Variants in SCNN1B observed in about 807,000 individuals in gnomAD.
SCNN1B encodes epithelial sodium channel subunit beta.
SCNN1B carries 46 observed loss-of-function variants against 65.3 expected under a neutral mutation model. The ratio of observed to expected loss-of-function variants is 0.70; its 90% CI spans 0.56 to 0.90. SCNN1B has a LOEUF of 0.90. Among genes scored for constraint, SCNN1B ranks in the 40% least tolerant of loss-of-function variants. The pLI is 0.00. For missense variants in SCNN1B, 751 were observed against 830.5 expected, an observed-to-expected ratio of 0.90 and a Z score of 1.18; for synonymous variants, 349 against 330.6, an observed-to-expected ratio of 1.06 and a Z score of -0.60.
intron 1 of SCNN1B, among the ~76,000 whole-genome samples, chr16:23,321,388 G>T (rs112794156): frequency 6.6e-6 from 1 of 152,008 alleles, no homozygotes; most frequent in Non-Finnish European, 1.5e-5. Flanking sequence ...TCTGGCTGGG[G>T]CTCCCTGTTC....
intron 4 of SCNN1B, among the ~76,000 whole-genome samples, chr16:23,365,573 A>C (rs1221273227): frequency 1.2e-5 from 1 of 85,750 alleles, no homozygotes; most frequent in Non-Finnish European, 2.0e-5. Flanking sequence ...GAAAGAAAGA[A>C]AGAAAGAAAG....
chr16:23,361,832 C>T lies in SCNN1B; in HGVS notation c.777-6024C>T, dbSNP rs375134349. Reference sequence around the variant, plus strand: ...TTTTGTTTTTTTTGAGATGGGATCTCACTCTGTTGTCCATACTGGAGTGCA... The same window carrying T: ...TTTTGTTTTTTTTGAGATGGGATCTTACTCTGTTGTCCATACTGGAGTGCA... On this transcript the variant is annotated intron_variant, in intron 4 of 12. Transcript: ENST00000343070. Among the ~76,000 whole-genome samples, 5 of 152,098 alleles carry T rather than the reference C, an allele frequency of 3.3e-5. No individual in the cohort carries two copies. The South Asian group carries it at 1.0e-3, about 32-fold the overall frequency.
intron 1 of SCNN1B, among the ~76,000 whole-genome samples, chr16:23,320,210 G>T (rs1596832511): frequency 6.6e-6 from 1 of 152,172 alleles, no homozygotes; most frequent in African/African-American, 2.4e-5. Context: ...GTGGCGGGCT[G>T]GTGGTTCTCA....
intron 1 of SCNN1B, among the ~76,000 whole-genome samples, chr16:23,321,441 G>C (rs931822261): frequency 1.3e-5 from 2 of 152,086 alleles, no homozygotes; most frequent in African/African-American, 4.8e-5. Context: ...AGCAGGGCTG[G>C]TGTCTGCTGT....
At chr16:23,284,417 A>G (rs1445216710) in intron 2 of SCNN1B, among the ~76,000 whole-genome samples, 1 of 152,150 alleles carries the variant, frequency 6.6e-6, no homozygotes, top group African/African-American at 2.4e-5. Context: ...AAAAATAAAT[A>G]AATAAAAATA....
At chr16:23,371,661 C>T (rs902756767) in intron 6 of SCNN1B, 115 bp from the exon 7 acceptor site, 3 of 1,056,890 alleles carry the variant, frequency 2.8e-6, no homozygotes, top group Admixed American at 3.5e-5. Context: ...GGCGCCCCCC[C>T]TGGCACCTGC....
chr16:23,339,868 C>T (rs80158601), intron 1 of SCNN1B, among the ~76,000 whole-genome samples: 177 of 152,094 alleles, frequency 1.2e-3, no homozygotes, highest in African/African-American at 4.1e-3. Context: ...CGCCTGGCAA[C>T]TTTACAAGAA....
In SCNN1B at chr16:23,377,208, G is replaced by A; in HGVS notation, c.1314G>A (p.Glu438=). Residue 438 remains glutamate, a synonymous_variant, in exon 9 of 13, where the codon GAG becomes GAA. Coordinates refer to ENST00000343070, the MANE Select transcript of SCNN1B (RefSeq NM_000336.3). Reference sequence around the variant, plus strand: ...TACAGATGAGCGTGGCGCAGAGAGAGACCTGCATTGGCATGTGCAAGGAGT... The same window carrying A: ...TACAGATGAGCGTGGCGCAGAGAGAAACCTGCATTGGCATGTGCAAGGAGT... The part of the protein sequence containing the change: ...SDLQMSVAQR[E]TCIGMCKESC... 2 of 1,614,246 alleles carry A rather than the reference G, an allele frequency of 1.2e-6. No individual in the cohort carries two copies. Among genetic ancestry groups the A allele is most frequent in the South Asian group, 2.2e-5 (2 of 91,086 alleles).
At chr16:23,351,312 C>T (rs1265148643) in intron 2 of SCNN1B, among the ~76,000 whole-genome samples, 1 of 152,042 alleles carries the variant, frequency 6.6e-6, no homozygotes, top group Non-Finnish European at 1.5e-5. Context: ...TATTTTTATC[C>T]CCCTGTTTTG....
chr16:23,301,702 G>C (rs542085156), upstream of SCNN1B, among the ~76,000 whole-genome samples: 25 of 152,320 alleles, frequency 1.6e-4, no homozygotes, highest in East Asian at 4.4e-3. Flanking sequence ...ACTCCAGAGG[G>C]GGCCAGAGTT....
chr16:23,370,080 G>A (rs1261917587), intron 5 of SCNN1B, among the ~76,000 whole-genome samples: 3 of 152,128 alleles, frequency 2.0e-5, no homozygotes, highest in East Asian at 1.9e-4. Flanking sequence ...ACAGGCATGC[G>A]CCACAATGCC....
chr16:23,335,397 C>T (rs1326144561), intron 1 of SCNN1B, among the ~76,000 whole-genome samples: 1 of 152,150 alleles, frequency 6.6e-6, no homozygotes, highest in Non-Finnish European at 1.5e-5. Flanking sequence ...AAAGATCCTC[C>T]TGCCTCAGCC....
In SCNN1B at chr16:23,348,792, T is replaced by A; in HGVS notation, c.193T>A (p.Trp65Arg). The change falls in exon 2 of 13, where the codon TGG (tryptophan) becomes AGG (arginine). Residue 65 changes from tryptophan (W) to arginine (R), a missense_variant. Coordinates refer to ENST00000343070, the MANE Select transcript of SCNN1B (RefSeq NM_000336.3). This position sits in a 1 kb window ranked among gnomAD's most constrained non-coding sequence, Gnocchi z 4.5. Reference protein sequence around the residue: ...LTLLFAALVCWQWGIFIRTYL... With the variant: ...LTLLFAALVCRQWGIFIRTYL... ...CCTGCTCTTCGCCGCCCTCGTCTGC[T>A]GGCAGTGGGGCATCTTCATCAGGAC... 1 of 1,614,182 alleles carries A rather than the reference T, an allele frequency of 6.2e-7. No homozygotes were observed. The highest frequency in any genetic ancestry group is 8.5e-7 in the Non-Finnish European group (1 of 1,180,036).
intron 4 of SCNN1B, chr16:23,359,222 C>G (rs964847414): frequency 6.6e-6 from 1 of 152,178 alleles, no homozygotes; most frequent in African/African-American, 2.4e-5. Context: ...GCCCAGCCTT[C>G]CCCATCATTT....
intron 7 of SCNN1B, chr16:23,372,182 C>T (rs145740645): frequency 1.1e-5 from 5 of 472,712 alleles, no homozygotes; most frequent in African/African-American, 7.8e-5. Flanking sequence ...CAGCTAACAC[C>T]ATCAAGCTTC....
intron 4 of SCNN1B, among the ~76,000 whole-genome samples, chr16:23,363,637 A>AC (rs1342665859): frequency 1.3e-5 from 2 of 152,010 alleles, no homozygotes; most frequent in Non-Finnish European, 2.9e-5. Context: ...ACATAGCAAG[A>AC]CCCCATCTCC....
chr16:23,296,035 G>A (rs550757723), intron 2 of SCNN1B, among the ~76,000 whole-genome samples: 54 of 152,302 alleles, frequency 3.5e-4, no homozygotes, highest in African/African-American at 1.1e-3. Flanking sequence ...GGATTTCTGG[G>A]AACAATGTGA....
intron 1 of SCNN1B, among the ~76,000 whole-genome samples, chr16:23,325,655 C>T (rs557157719): frequency 1.2e-4 from 19 of 152,002 alleles, no homozygotes; most frequent in Admixed American, 5.3e-4. Context: ...AATGCGCATC[C>T]GATCTTAACT....
intron 2 of SCNN1B, among the ~76,000 whole-genome samples, chr16:23,293,042 G>C (rs188310829): frequency 6.9e-6 from 1 of 145,764 alleles, no homozygotes; most frequent in East Asian, 2.1e-4. Flanking sequence ...TTGAACCCGG[G>C]AGGTGAAGTT....
Sources: gnomAD v4.1 joint callset for allele counts (sites outside exome capture counted in the v4.1 genomes callset) on GRCh38, gnomAD v4.1.1 for gene constraint, Gnocchi (gnomAD v3.1) non-coding constraint, MANE v1.5 for transcripts, NCBI Gene and HGNC (gene_info 2026-07-23, HGNC 2026-07-21) for gene names.